Variants in SLC44A1 observed in about 807,000 individuals in gnomAD.
SLC44A1 encodes choline transporter-like protein 1.
SLC44A1 carries 26 observed loss-of-function variants against 79.3 expected under a neutral mutation model. The ratio of observed to expected loss-of-function variants is 0.33; its 90% confidence interval spans 0.24 to 0.46. The LOEUF (loss-of-function observed/expected upper bound fraction) is 0.46. SLC44A1 is among the 20% of genes least tolerant of loss of function. SLC44A1 has a pLI of 1.00. For missense variants in SLC44A1, 688 were observed against 798.1 expected, an observed-to-expected ratio of 0.86 and a Z score of 1.66; for synonymous variants, 263 against 286.2, an observed-to-expected ratio of 0.92 and a Z score of 0.82.
In SLC44A1 at chr9:105,393,078, A is replaced by G. The variant is rs1588864643; in HGVS notation, c.*4022A>G. 1 of 985,440 alleles carries G rather than the reference A, an allele frequency of 1.0e-6. No individual in the cohort carries two copies. Among genetic ancestry groups the G allele is most frequent in the Non-Finnish European group, 1.2e-6 (1 of 829,892 alleles). 61.0% of individuals were successfully genotyped at this position (985,440 alleles called of 1,614,324 possible). On this transcript the variant is annotated 3_prime_UTR_variant, in exon 16 of 16. Coordinates refer to ENST00000374720, the MANE Select transcript of SLC44A1 (RefSeq NM_080546.5). ...ATCTGACACATACGAGTGCACTATA[A>G]TGGCTTGCCTAGAACTGGTAAGAAG...
chr9:105,288,463 C>T (rs1830527223), intron 1 of SLC44A1, among the ~76,000 whole-genome samples: 1 of 152,198 alleles, frequency 6.6e-6, no homozygotes, highest in Non-Finnish European at 1.5e-5. Context: ...ATTCTACCAC[C>T]TCAGCCTCCC....
intron 1 of SLC44A1, among the ~76,000 whole-genome samples, chr9:105,286,383 T>C (rs1356943283): frequency 6.6e-6 from 1 of 152,118 alleles, no homozygotes; most frequent in Non-Finnish European, 1.5e-5. Flanking sequence ...ATCAGTAAAA[T>C]GGGAATAATA....
At chr9:105,301,284 GTTAT>G (rs1277482252) in intron 2 of SLC44A1, among the ~76,000 whole-genome samples, 6 of 152,192 alleles carry the variant, frequency 3.9e-5, no homozygotes, top group Non-Finnish European at 8.8e-5. Context: ...AGACTAAGGA[GTTAT>G]TTGTTTACTG....
chr9:105,349,925 G>T (rs546813156), intron 5 of SLC44A1, among the ~76,000 whole-genome samples: 1 of 152,272 alleles, frequency 6.6e-6, no homozygotes, highest in Non-Finnish European at 1.5e-5. Flanking sequence ...ATGCCACTAT[G>T]TTGAGGACTG....
At chr9:105,315,806 G>C (rs908400976) in intron 3 of SLC44A1, among the ~76,000 whole-genome samples, 19 of 152,270 alleles carry the variant, frequency 1.2e-4, no homozygotes, top group Admixed American at 3.9e-4. Context: ...CCTCTTATCA[G>C]CTAAGCACTT....
chr9:105,353,887 A>C (rs1273288342), intron 5 of SLC44A1, among the ~76,000 whole-genome samples: 1 of 152,050 alleles, frequency 6.6e-6, no homozygotes. Context: ...TATTTTAAAA[A>C]TATGGTTAGA....
chr9:105,250,781 A>C (rs1291907605), intron 1 of SLC44A1, among the ~76,000 whole-genome samples: 1 of 152,166 alleles, frequency 6.6e-6, no homozygotes. Flanking sequence ...CACTTGGAGA[A>C]GTTTACAAAT....
At position 105,395,593 on chromosome 9, in the gene SLC44A1, A is replaced by G; in HGVS notation, c.*6537A>G. The G allele has an allele frequency of 3.0e-6, 3 of 985,418 alleles. No individual in the cohort carries two copies. The highest frequency in any genetic ancestry group is 4.7e-5 in the South Asian group (1 of 21,286). The allele number at this position is 985,418 out of a possible 1,614,324, so 61.0% of individuals were successfully genotyped here. A position where few individuals can be genotyped will look rare whatever the true frequency, so the allele number is the denominator to read the frequency against. On this transcript the variant is annotated 3_prime_UTR_variant, in exon 16 of 16. Coordinates refer to ENST00000374720, the MANE Select transcript of SLC44A1 (RefSeq NM_080546.5). ...GTGGAAATTCCCATGTTGGATAGAA[A>G]AGGGCGTAAGTCCAGTCTAAGTATC...
rs572114155 is a variant in SLC44A1 at position 105,375,027 on chromosome 9, G to GT, written c.1632+299dup. On this transcript the variant is annotated intron_variant, in intron 13 of 15. Transcript: ENST00000374720. ...GTGCCTATGTTTCTCTTTCTGTGTT[G>GT]TTTTTTTGTTGTTGTTTGTTTGTTT... 5.7e-4 allele frequency among the ~76,000 whole-genome samples: 86 copies of GT among 152,106 alleles called. No individual in the cohort carries two copies. In the South Asian group the frequency reaches 0.017, roughly 30 times the overall value.
At chr9:105,318,101 C>G (rs549848646) in intron 3 of SLC44A1, among the ~76,000 whole-genome samples, 3 of 152,244 alleles carry the variant, frequency 2.0e-5, no homozygotes, top group African/African-American at 7.2e-5. Context: ...TTATTTCCTC[C>G]CAAATTTACA....
chr9:105,357,606 CCTTT>C (rs1256742393), intron 6 of SLC44A1, among the ~76,000 whole-genome samples: 1 of 152,096 alleles, frequency 6.6e-6, no homozygotes. Flanking sequence ...TTAAATCTTT[CCTTT>C]CTTCTTTAAG....
At chr9:105,403,897 C>T (rs1828991032) in intron 15 of SLC44A1, among the ~76,000 whole-genome samples, 1 of 151,274 alleles carries the variant, frequency 6.6e-6, no homozygotes, top group Non-Finnish European at 1.5e-5. Context: ...TTGCAGGCCA[C>T]CCTAACGGTC....
chr9:105,254,355 A>G (rs1829655906), intron 1 of SLC44A1, among the ~76,000 whole-genome samples: 3 of 152,174 alleles, frequency 2.0e-5, no homozygotes. Flanking sequence ...ACTTATCCCT[A>G]AACAAGCTCT....
chr9:105,260,618 C>T (rs149036247), intron 1 of SLC44A1, among the ~76,000 whole-genome samples: 278 of 152,276 alleles, frequency 1.8e-3, no homozygotes, highest in African/African-American at 6.3e-3. Context: ...AACCCTTTCA[C>T]GTGAATCATT....
intron 1 of SLC44A1, among the ~76,000 whole-genome samples, chr9:105,262,367 C>T (rs1457442113): frequency 6.6e-6 from 1 of 152,098 alleles, no homozygotes; most frequent in Non-Finnish European, 1.5e-5. Context: ...AATAACAAAG[C>T]TTCAGATGCC....
intron 1 of SLC44A1, among the ~76,000 whole-genome samples, chr9:105,290,569 TA>T (rs1346756653): frequency 3.9e-5 from 6 of 152,242 alleles, no homozygotes; most frequent in African/African-American, 7.2e-5. Flanking sequence ...AGAGCAGGAT[TA>T]ACTTGGCCTC....
intron 15 of SLC44A1, among the ~76,000 whole-genome samples, chr9:105,419,653 G>A (rs1470028163): frequency 6.6e-6 from 1 of 152,080 alleles, no homozygotes; most frequent in African/African-American, 2.4e-5. Context: ...GGTGGCCCAC[G>A]CCTGTAATAA....
chr9:105,276,915 G>A (rs189696954), intron 1 of SLC44A1, among the ~76,000 whole-genome samples: 3 of 152,254 alleles, frequency 2.0e-5, no homozygotes, highest in African/African-American at 4.8e-5. Flanking sequence ...ATGGGGTTTC[G>A]AGCAGAGGAG....
At chr9:105,397,444 G>T (rs1588867966), downstream of SLC44A1, 2 of 758,496 alleles carry the variant, frequency 2.6e-6, no homozygotes, top group Admixed American at 6.2e-5. Flanking sequence ...TCAGTATGCT[G>T]CAAGGGTGCC....
Sources: allele counts gnomAD v4.1 joint callset (sites outside exome capture counted in the v4.1 genomes callset), GRCh38; gene constraint gnomAD v4.1.1; transcripts MANE v1.5; gene names NCBI Gene and HGNC (gene_info 2026-07-23, HGNC 2026-07-21).